LRRC4C: variants seen among roughly 807,000 people sequenced by gnomAD.
LRRC4C encodes the protein leucine-rich repeat-containing protein 4C.
A neutral mutation model predicts 33.6 loss-of-function variants in LRRC4C; 5 were observed. That is an observed-to-expected ratio of 0.15 (90% CI 0.08 to 0.31). LRRC4C has a LOEUF of 0.31. Ranked by LOEUF, LRRC4C falls within the 10% of genes least tolerant of loss-of-function variation. LRRC4C has a pLI of 1.00. For missense variants in LRRC4C, 560 were observed against 796.7 expected (o/e 0.70, Z 3.58); for synonymous variants, 329 against 302.0 (o/e 1.09, Z -0.93).
chr11:40,282,890 G>A lies in LRRC4C; in HGVS notation c.-176+36738C>T, dbSNP rs1166752705. ...TGTTCACATGTTGTCAAAAACGATT[G>A]CAGCTCATGATTTTCTATATTTAAT... On this transcript the variant is annotated intron_variant, in intron 4 of 6. Transcript: ENST00000528697. 2.0e-5 allele frequency among the ~76,000 whole-genome samples: 3 copies of A among 152,174 alleles called. No homozygotes were observed. In the East Asian group the frequency reaches 5.8e-4, roughly 29 times the overall value.
intron 1 of LRRC4C, among the ~76,000 whole-genome samples, chr11:40,997,225 G>C (rs1854044043): frequency 6.6e-6 from 1 of 152,064 alleles, no homozygotes; most frequent in African/African-American, 2.4e-5. Context: ...AAATAAGAGA[G>C]AGAAGAGATG....
chr11:41,068,043 GAAAT>G (rs954221823), intron 1 of LRRC4C, among the ~76,000 whole-genome samples: 1 of 152,016 alleles, frequency 6.6e-6, no homozygotes, highest in African/African-American at 2.4e-5. Flanking sequence ...CAGAAAATGA[GAAAT>G]AAATAAGATC....
chr11:40,202,310 T>G (rs1437771344), intron 5 of LRRC4C, among the ~76,000 whole-genome samples: 4 of 152,012 alleles, frequency 2.6e-5, no homozygotes, highest in East Asian at 3.9e-4. Context: ...TTTTGTTTTT[T>G]TTTAATAGCT....
intron 1 of LRRC4C, among the ~76,000 whole-genome samples, chr11:40,937,603 A>ATGTGTG (rs35416837): frequency 0.078 from 10,636 of 135,832 alleles, 414 homozygotes; most frequent in South Asian, 0.12. Context: ...GTGTGTGTAT[A>ATGTGTG]TGTGTGTGTG....
At chr11:40,143,491 C>G (rs920973790) in intron 5 of LRRC4C, among the ~76,000 whole-genome samples, 1 of 152,150 alleles carries the variant, frequency 6.6e-6, no homozygotes, top group Non-Finnish European at 1.5e-5. Flanking sequence ...CTCCTGCACA[C>G]CAAACATAGT....
chr11:41,247,444 G>C (rs990994856), intron 1 of LRRC4C, among the ~76,000 whole-genome samples: 7 of 152,110 alleles, frequency 4.6e-5, no homozygotes, highest in African/African-American at 1.7e-4. Context: ...CAACTCCAAT[G>C]CTTTTTATAG....
At chr11:41,100,484 T>C (rs1941103613) in intron 1 of LRRC4C, among the ~76,000 whole-genome samples, 1 of 151,996 alleles carries the variant, frequency 6.6e-6, no homozygotes, top group South Asian at 2.1e-4. Context: ...GAAGAATTGC[T>C]TGAACTCATG....
chr11:40,797,527 A>G (rs903711262), intron 2 of LRRC4C, among the ~76,000 whole-genome samples: 7 of 152,214 alleles, frequency 4.6e-5, no homozygotes, highest in African/African-American at 1.7e-4. Flanking sequence ...AAACAAGAAC[A>G]AAAAGAGAGT....
Position 40,334,556 on chromosome 11 carries a change from T to C in LRRC4C, c.-269-14835A>G, listed in dbSNP as rs79595053. Among the ~76,000 whole-genome samples the C allele has an allele frequency of 1.1e-3, 173 of 152,328 alleles. 6 individuals carry two copies. In the East Asian group the frequency reaches 0.029, roughly 25 times the overall value. On this transcript the variant is annotated intron_variant, in intron 3 of 6. Transcript: ENST00000528697. ...TTAGGTGTGTGTACTCATAATTGTTTTGTGGTTACTTGCAATAATCAAATA... is the reference window on the plus strand; with the variant it reads ...TTAGGTGTGTGTACTCATAATTGTTCTGTGGTTACTTGCAATAATCAAATA...
chr11:41,343,598 A>G (rs1951707952), intron 1 of LRRC4C, among the ~76,000 whole-genome samples: 1 of 152,212 alleles, frequency 6.6e-6, no homozygotes, highest in African/African-American at 2.4e-5. Context: ...AAATATGCTT[A>G]GTCTTGTGTT....
intron 2 of LRRC4C, among the ~76,000 whole-genome samples, chr11:40,770,036 C>T (rs530431519): frequency 6.6e-6 from 1 of 152,168 alleles, no homozygotes; most frequent in Admixed American, 6.5e-5. Flanking sequence ...AAATTCCGCA[C>T]ATCAAAGGAA....
intron 1 of LRRC4C, among the ~76,000 whole-genome samples, chr11:41,175,601 A>C (rs1370828077): frequency 2.0e-5 from 3 of 152,074 alleles, no homozygotes; most frequent in Non-Finnish European, 4.4e-5. Flanking sequence ...AGAGCAATTC[A>C]ATGGCCACCC....
At chr11:41,249,607 T>C (rs1029235702) in intron 1 of LRRC4C, among the ~76,000 whole-genome samples, 1 of 152,162 alleles carries the variant, frequency 6.6e-6, no homozygotes, top group Non-Finnish European at 1.5e-5. Flanking sequence ...ACCAAGCTCC[T>C]TACTGTTCCT....
intron 5 of LRRC4C, among the ~76,000 whole-genome samples, chr11:40,180,377 G>A (rs572990293): frequency 6.6e-6 from 1 of 152,182 alleles, no homozygotes; most frequent in African/African-American, 2.4e-5. Flanking sequence ...CTTTAGTTTA[G>A]AAGCAGACAT....
At chr11:41,250,947 C>T (rs1948619016) in intron 1 of LRRC4C, among the ~76,000 whole-genome samples, 2 of 152,142 alleles carry the variant, frequency 1.3e-5, no homozygotes, top group African/African-American at 2.4e-5. Flanking sequence ...GCAGCATTTT[C>T]TATATTATCT....
chr11:41,068,290 G>T (rs1462073362), intron 1 of LRRC4C, among the ~76,000 whole-genome samples: 1 of 152,124 alleles, frequency 6.6e-6, no homozygotes, highest in East Asian at 1.9e-4. Flanking sequence ...CTATTCAGGA[G>T]GCTGAGGCAG....
At chr11:40,991,733 A>G (rs1853579587) in intron 1 of LRRC4C, among the ~76,000 whole-genome samples, 1 of 152,184 alleles carries the variant, frequency 6.6e-6, no homozygotes, top group South Asian at 2.1e-4. Flanking sequence ...TTCCTGGTAT[A>G]CACAGTTCAC....
intron 1 of LRRC4C, among the ~76,000 whole-genome samples, chr11:41,040,293 C>G (rs773055376): frequency 2.0e-5 from 3 of 151,402 alleles, no homozygotes; most frequent in Non-Finnish European, 4.4e-5. Context: ...AATGGTTCTG[C>G]CAAATTTTCA....
chr11:40,254,282 G>T (rs1458925312), intron 4 of LRRC4C, among the ~76,000 whole-genome samples: 4 of 152,212 alleles, frequency 2.6e-5, no homozygotes, highest in African/African-American at 9.6e-5. Flanking sequence ...TAATTAAAAT[G>T]AGTGCTTAAA....
Sources: gnomAD v4.1 joint callset for allele counts (sites outside exome capture counted in the v4.1 genomes callset) on GRCh38, gnomAD v4.1.1 for gene constraint, MANE v1.5 for transcripts, NCBI Gene and HGNC (gene_info 2026-07-23, HGNC 2026-07-21) for gene names.